The following KIAA0319L variants were observed in gnomAD, a reference collection of about 807,000 sequenced individuals.
KIAA0319L encodes the protein dyslexia-associated protein KIAA0319-like protein.
A neutral mutation model predicts 120.1 loss-of-function variants in KIAA0319L; 55 were observed. The ratio of observed to expected loss-of-function variants is 0.46; its 90% CI spans 0.37 to 0.57. The LOEUF is 0.57. Ranked by LOEUF, KIAA0319L falls within the 20% of genes least tolerant of loss-of-function variation. The pLI is 0.00. For synonymous variants in KIAA0319L, 398 were observed against 471.9 expected (o/e 0.84, Z 2.03); for missense variants, 1,049 against 1,255.3 (o/e 0.84, Z 2.48).
intron 1 of KIAA0319L, among the ~76,000 whole-genome samples, chr1:35,555,357 C>T (rs1640675327): frequency 6.6e-6 from 1 of 152,214 alleles, no homozygotes; most frequent in Admixed American, 6.5e-5. Context: ...CTGCCAACCC[C>T]TAACTCCTAT....
chr1:35,520,448 C>T (rs1645867062), intron 2 of KIAA0319L, among the ~76,000 whole-genome samples: 1 of 152,092 alleles, frequency 6.6e-6, no homozygotes, highest in African/African-American at 2.4e-5. Context: ...CACTGAAGTG[C>T]AGTGGTGCAA....
chr1:35,484,828 A>C (rs1644324092), intron 3 of KIAA0319L, among the ~76,000 whole-genome samples: 1 of 121,942 alleles, frequency 8.2e-6, no homozygotes, highest in Non-Finnish European at 1.7e-5. Flanking sequence ...ATTATACTCT[A>C]AGTTTTAGGG....
intron 2 of KIAA0319L, among the ~76,000 whole-genome samples, chr1:35,530,592 A>T (rs1646326676): frequency 6.6e-6 from 1 of 152,156 alleles, no homozygotes; most frequent in South Asian, 2.1e-4. Context: ...TTTTTCACTG[A>T]AGTCTGTTAT....
In KIAA0319L at chr1:35,507,088, C is replaced by T. The variant is rs753281189; in HGVS notation, c.190G>A (p.Gly64Ser). Residue 64 changes from glycine to serine, a missense_variant, in exon 3 of 21, where the codon GGC becomes AGC. Coordinates refer to ENST00000325722, the MANE Select transcript of KIAA0319L (RefSeq NM_024874.5). ...TGATTTTCTCCCCCAGATCTCAGGC[C>T]AACTCCAAATTGTGTCTTCCCCTGC... Reference protein sequence around the residue: ...CQQGKTQFGVGLRSGGENHLW... With the variant: ...CQQGKTQFGVSLRSGGENHLW... 3 of 1,549,288 alleles carry T rather than the reference C, an allele frequency of 1.9e-6. No homozygotes were observed. Among genetic ancestry groups the T allele is most frequent in the Non-Finnish European group, 2.6e-6 (3 of 1,149,322 alleles).
chr1:35,439,005 C>G (rs1182564081), intron 20 of KIAA0319L: 1 of 152,222 alleles, frequency 6.6e-6, no homozygotes. Flanking sequence ...GAGTGAGACT[C>G]TGTCTCAAAT....
Position 35,462,656 on chromosome 1 carries a change from G to C in KIAA0319L, c.1259C>G (p.Ser420Cys), listed in dbSNP as rs1171269759. The change falls in exon 8 of 21, where the codon TCT (serine) becomes TGT (cysteine). Residue 420 changes from serine to cysteine, a missense_variant. Physicochemically the swap from Ser to Cys is moderately radical, Grantham distance 112 (BLOSUM62 -1). Transcript: ENST00000325722. Reference protein sequence around the residue: ...AIVSPQFQEISLPTTSTVIDG... With the variant: ...AIVSPQFQEICLPTTSTVIDG... ...AATGACTGTAGAAGTGGTTGGCAAA[G>C]AGATCTCCTGGAACTGAGGTGACAC... 6.2e-6 allele frequency: 10 copies of C among 1,614,126 alleles called. No homozygotes were observed. Among genetic ancestry groups the C allele is most frequent in the Non-Finnish European group, 8.5e-6 (10 of 1,179,964 alleles).
In KIAA0319L at chr1:35,535,399, CTCTCT is replaced by C. The variant is rs1218620397; in HGVS notation, c.142+18946_142+18950del. 3.0e-4 allele frequency among the ~76,000 whole-genome samples: 46 copies of C among 152,262 alleles called. 2 individuals carry two copies. In the East Asian group the frequency reaches 7.7e-3, roughly 26 times the overall value. Reference sequence around the variant, plus strand: ...GATCAACAGCCCTATTCCACAATTGCTCTCTTCTATCTTTTGGCCCCCACCCCAAA... The same window carrying C: ...GATCAACAGCCCTATTCCACAATTGCTCTATCTTTTGGCCCCCACCCCAAA... On this transcript the variant is annotated intron_variant, in intron 2 of 20. Coordinates refer to ENST00000325722, the MANE Select transcript of KIAA0319L (RefSeq NM_024874.5).
At chr1:35,540,418 C>T (rs757049876) in intron 2 of KIAA0319L, among the ~76,000 whole-genome samples, 4 of 152,204 alleles carry the variant, frequency 2.6e-5, no homozygotes, top group South Asian at 2.1e-4. Flanking sequence ...GCAGGAGCAC[C>T]CTAATGCAGA....
intron 1 of KIAA0319L, 71 bp from the exon 2 acceptor site, chr1:35,554,590 T>C: frequency 5.3e-6 from 6 of 1,126,142 alleles, no homozygotes; most frequent in East Asian, 2.5e-5. Flanking sequence ...TGTGGAATGC[T>C]AGAAAATATG....
At chr1:35,538,182 T>C (rs1646654469) in intron 2 of KIAA0319L, among the ~76,000 whole-genome samples, 1 of 152,184 alleles carries the variant, frequency 6.6e-6, no homozygotes, top group Non-Finnish European at 1.5e-5. Context: ...TTGGTTTTAT[T>C]TAGCCTGATA....
intron 5 of KIAA0319L, among the ~76,000 whole-genome samples, chr1:35,472,786 C>CTTTT (rs760880560): frequency 5.0e-5 from 7 of 139,216 alleles, no homozygotes; most frequent in African/African-American, 1.8e-4. Flanking sequence ...ATCTATTTCC[C>CTTTT]TTTTTTTTTT....
intron 3 of KIAA0319L, among the ~76,000 whole-genome samples, chr1:35,486,731 T>C (rs1644399692): frequency 1.2e-5 from 1 of 84,804 alleles, no homozygotes; most frequent in African/African-American, 1.7e-4. Context: ...CGAGACCCCA[T>C]TTCTACAAAA....
In KIAA0319L at chr1:35,493,618, C is replaced by T. The variant is rs540976113; in HGVS notation, c.666+12994G>A. On this transcript the variant is annotated intron_variant, in intron 3 of 20. Transcript: ENST00000325722. ...CCGTAATCCTAGCACTTTGGGAGGC[C>T]GAGGCAGGTGGATCGCTTAAACTCA... Among the ~76,000 whole-genome samples, 323 of 151,920 alleles carry T rather than the reference C, an allele frequency of 2.1e-3. 1 individual carries two copies. Among genetic ancestry groups the T allele is most frequent in the Non-Finnish European group, 3.3e-3 (225 of 67,958 alleles).
chr1:35,555,222 T>A (rs1350770953), intron 1 of KIAA0319L, among the ~76,000 whole-genome samples: 3 of 152,198 alleles, frequency 2.0e-5, no homozygotes, highest in Non-Finnish European at 4.4e-5. Context: ...AAAACTTTGC[T>A]ATATTGTCTA....
intron 2 of KIAA0319L, among the ~76,000 whole-genome samples, chr1:35,522,013 T>G (rs990985465): frequency 2.7e-5 from 4 of 150,664 alleles, no homozygotes; most frequent in African/African-American, 4.9e-5. Flanking sequence ...GGAAGGAAGA[T>G]CCATGCAACC....
chr1:35,548,254 A>G (rs1647059213), intron 2 of KIAA0319L, among the ~76,000 whole-genome samples: 1 of 152,072 alleles, frequency 6.6e-6, no homozygotes, highest in Admixed American at 6.6e-5. Flanking sequence ...AGTCTCATCA[A>G]CTTTCTCCTG....
At position 35,512,693 on chromosome 1, in the gene KIAA0319L, AC is replaced by A. The variant is rs1300440266; in HGVS notation, c.143-5559del. Among the ~76,000 whole-genome samples, 42 of 151,926 alleles carry A rather than the reference AC, an allele frequency of 2.8e-4. 1 individual carries two copies. Among genetic ancestry groups the A allele is most frequent in the Non-Finnish European group, 2.9e-5 (2 of 67,990 alleles). The stretch of plus-strand genomic sequence containing the variant: ...AGACCAGCCTGGCCAACATGGTGAA[AC>A]CCCATCTCTACTAAAAATACAAAAA... On this transcript the variant is annotated intron_variant, in intron 2 of 20. Transcript: ENST00000325722.
At chr1:35,507,630 C>A (rs1645256785) in intron 2 of KIAA0319L, among the ~76,000 whole-genome samples, 1 of 152,156 alleles carries the variant, frequency 6.6e-6, no homozygotes, top group Admixed American at 6.5e-5. Context: ...GTTTCCCCAG[C>A]AAACTGGCAG....
At chr1:35,450,027 C>T (rs1221713530) in intron 14 of KIAA0319L, 22 bp from the exon 15 acceptor site, 1 of 1,613,604 alleles carries the variant, frequency 6.2e-7, no homozygotes, top group Non-Finnish European at 8.5e-7. Flanking sequence ...AACAACATGG[C>T]TATGTTACAG....
Sources: allele counts gnomAD v4.1 joint callset (sites outside exome capture counted in the v4.1 genomes callset), GRCh38; gene constraint gnomAD v4.1.1; transcripts MANE v1.5; gene names NCBI Gene and HGNC (gene_info 2026-07-23, HGNC 2026-07-21).